Variants in CACNG5 observed in about 807,000 individuals in gnomAD.
CACNG5 encodes voltage-dependent calcium channel gamma-5 subunit.
CACNG5 carries 18 observed loss-of-function variants against 24.8 expected under a neutral mutation model. The observed-to-expected ratio is 0.73, with a 90% CI of 0.50 to 1.08. CACNG5 has a LOEUF of 1.08. Ranked by LOEUF, CACNG5 falls within the 50% of genes least tolerant of loss-of-function variation. The pLI, the probability that CACNG5 is intolerant of heterozygous loss-of-function variation, is 0.00. For missense variants in CACNG5, 349 were observed against 367.9 expected (o/e 0.95, Z 0.42); for synonymous variants, 157 against 149.1 (o/e 1.05, Z -0.39).
rs555457622 is a variant in CACNG5, at chr17:66,852,996, T to C, written c.-104+17746T>C. ...TTCTCTCTTCTCCTTCTCTCTTCTC[T>C]TTCTCTCTTCTCTTCTCTTCTCTTC... On this transcript the variant is annotated intron_variant, in intron 1 of 5. Coordinates refer to ENST00000533854, the MANE Select transcript of CACNG5 (RefSeq NM_145811.3). Among the ~76,000 whole-genome samples, 3 of 151,066 alleles carry C rather than the reference T, an allele frequency of 2.0e-5. No homozygotes were observed. In the East Asian group the frequency reaches 5.8e-4, roughly 29 times the overall value.
chr17:66,848,750 C>A (rs975507825), intron 1 of CACNG5, among the ~76,000 whole-genome samples: 5 of 152,136 alleles, frequency 3.3e-5, no homozygotes, highest in African/African-American at 1.2e-4. Context: ...CAAGTTCAGA[C>A]CCTGCTGAGC....
chr17:66,884,374 C>T (rs897070319), intron 4 of CACNG5, 142 bp from the exon 5 acceptor site: 2 of 814,482 alleles, frequency 2.5e-6, no homozygotes, highest in Non-Finnish European at 3.8e-6. Flanking sequence ...AAAGTTTCTG[C>T]TCTCCTTTGA....
intron 2 of CACNG5, 127 bp downstream of exon 2, chr17:66,877,655 A>C: frequency 1.3e-6 from 1 of 765,734 alleles, no homozygotes; most frequent in Non-Finnish European, 2.1e-6. Flanking sequence ...ATCCCTATAT[A>C]TGGCGGGTGG....
At chr17:66,868,844 G>GA (rs1405106257) in intron 1 of CACNG5, among the ~76,000 whole-genome samples, 1 of 152,092 alleles carries the variant, frequency 6.6e-6, no homozygotes, top group Non-Finnish European at 1.5e-5. Context: ...CCTCACATCA[G>GA]AAAAAACTCA....
intron 1 of CACNG5, among the ~76,000 whole-genome samples, chr17:66,874,866 C>T (rs1465871158): frequency 6.6e-6 from 1 of 152,224 alleles, no homozygotes; most frequent in Admixed American, 6.5e-5. Flanking sequence ...CTCCTGCTAA[C>T]CATCCTTGGT....
chr17:66,837,950 T>A (rs1476813), intron 1 of CACNG5, among the ~76,000 whole-genome samples: 1 of 151,120 alleles, frequency 6.6e-6, no homozygotes, highest in East Asian at 2.0e-4. Context: ...GAATACAGGG[T>A]GGGTGCCAGG....
chr17:66,847,848 A>G (rs1050353797), intron 1 of CACNG5, among the ~76,000 whole-genome samples: 1 of 152,198 alleles, frequency 6.6e-6, no homozygotes, highest in African/African-American at 2.4e-5. Context: ...CTTGCTCTGC[A>G]GAAGGAGCAT....
At chr17:66,871,230 G>A (rs932724159) in intron 1 of CACNG5, among the ~76,000 whole-genome samples, 19 of 152,156 alleles carry the variant, frequency 1.2e-4, no homozygotes, top group African/African-American at 4.3e-4. Flanking sequence ...CACTGGCTAC[G>A]CTGACACTGA....
intron 1 of CACNG5, among the ~76,000 whole-genome samples, chr17:66,866,909 G>C (rs1976938627): frequency 6.6e-6 from 1 of 152,152 alleles, no homozygotes; most frequent in African/African-American, 2.4e-5. Flanking sequence ...TTGCTCTTGT[G>C]AATAGTGCTG....
chr17:66,877,288 C>A lies in CACNG5; in HGVS notation c.-45C>A. 1 of 1,552,648 alleles carries A rather than the reference C, an allele frequency of 6.4e-7. No homozygotes were observed. The highest frequency in any genetic ancestry group is 1.1e-5 in the South Asian group (1 of 87,034). On this transcript the variant is annotated 5_prime_UTR_variant, in exon 2 of 6. The change creates a new upstream start codon in the 5' untranslated region. Transcript: ENST00000533854. ...CCCTAGCCCCAGAGCGCAGTCCGTG[C>A]TGGTGGGAGCGTGGCGACTAGTTGC...
intron 1 of CACNG5, among the ~76,000 whole-genome samples, chr17:66,862,892 C>CTGTGTG (rs56308917): frequency 0.062 from 8,830 of 141,738 alleles, 312 homozygotes; most frequent in South Asian, 0.1. Flanking sequence ...AGCATATTCT[C>CTGTGTG]TGTGTGTGTG....
chr17:66,888,178 CCTA>C lies in CACNG5; in HGVS notation c.*2941_*2943del, dbSNP rs1430504876. Among the ~76,000 whole-genome samples, 1 of 144,824 alleles carries C rather than the reference CCTA, an allele frequency of 6.9e-6. No homozygotes were observed. The highest frequency in any genetic ancestry group is 1.5e-5 in the Non-Finnish European group (1 of 67,144). On this transcript the variant is annotated 3_prime_UTR_variant, in exon 6 of 6. Coordinates refer to ENST00000533854, the MANE Select transcript of CACNG5 (RefSeq NM_145811.3). ...TTCCCCCACACCTGGAACTTACTAC[CCTA>C]CTTTTTTTTTTTTTTTTTTTTGAGA...
chr17:66,868,006 A>G (rs1385186991), intron 1 of CACNG5, among the ~76,000 whole-genome samples: 1 of 152,136 alleles, frequency 6.6e-6, no homozygotes, highest in African/African-American at 2.4e-5. Context: ...TATTATCACT[A>G]CTTGGTTAGT....
At chr17:66,856,795 A>C (rs893426821) in intron 1 of CACNG5, among the ~76,000 whole-genome samples, 1 of 151,822 alleles carries the variant, frequency 6.6e-6, no homozygotes, top group Admixed American at 6.6e-5. Context: ...CACCTGCCTC[A>C]GCCTCTCAAA....
chr17:66,856,580 C>T lies in CACNG5; in HGVS notation c.-103-20650C>T, dbSNP rs367891381. On this transcript the variant is annotated intron_variant, in intron 1 of 5. Coordinates refer to ENST00000533854, the MANE Select transcript of CACNG5 (RefSeq NM_145811.3). ...TTTTTGAGACAGAGTCTCGCTCTGT[C>T]GCCCAGGCTGGAGTGCAATGGCGCT... is the stretch of plus-strand genomic sequence containing the variant. Among the ~76,000 whole-genome samples, 5 of 146,926 alleles carry T rather than the reference C, an allele frequency of 3.4e-5. No individual in the cohort carries two copies. The East Asian group carries it at 8.3e-4, about 24-fold the overall frequency.
At chr17:66,873,895 T>C (rs1372853360) in intron 1 of CACNG5, among the ~76,000 whole-genome samples, 3 of 151,268 alleles carry the variant, frequency 2.0e-5, no homozygotes, top group Admixed American at 6.6e-5. Context: ...TAATGTGCAA[T>C]GCGGTTCTTC....
intron 1 of CACNG5, among the ~76,000 whole-genome samples, chr17:66,860,457 A>G (rs1434641718): frequency 2.0e-5 from 3 of 152,164 alleles, no homozygotes; most frequent in African/African-American, 7.2e-5. Context: ...CTCATCAAAC[A>G]CACTGGAGTC....
chr17:66,840,351 G>A (rs1976549570), intron 1 of CACNG5, among the ~76,000 whole-genome samples: 1 of 152,196 alleles, frequency 6.6e-6, no homozygotes, highest in Admixed American at 6.5e-5. Flanking sequence ...GAGCTGAGGA[G>A]GAGGTCTGGC....
rs182014092 is a variant in CACNG5 at position 66,861,738 on chromosome 17, C to T, written c.-103-15492C>T. On this transcript the variant is annotated intron_variant, in intron 1 of 5. Transcript: ENST00000533854. ...ATTTCTCGCTGGCTGTTATTGCACCCGGTAGCCATGGGGGCAGTGAGCATT... is the reference window on the plus strand; with the variant it reads ...ATTTCTCGCTGGCTGTTATTGCACCTGGTAGCCATGGGGGCAGTGAGCATT... Among the ~76,000 whole-genome samples, 322 of 152,324 alleles carry T rather than the reference C, an allele frequency of 2.1e-3. 1 individual carries two copies. The highest frequency in any genetic ancestry group is 7.1e-3 in the African/African-American group (296 of 41,566).
Sources: gnomAD v4.1 joint callset for allele counts (sites outside exome capture counted in the v4.1 genomes callset) on GRCh38, gnomAD v4.1.1 for gene constraint, MANE v1.5 for transcripts, NCBI Gene and HGNC (gene_info 2026-07-23, HGNC 2026-07-21) for gene names.